The following SYNE3 variants were observed in gnomAD, a reference collection of about 807,000 sequenced individuals.
The protein encoded by SYNE3 is nesprin-3.
In SYNE3, 100 loss-of-function variants were observed where a neutral mutation model predicts 111.2. The observed-to-expected ratio is 0.90, with a 90% CI of 0.77 to 1.06. The LOEUF (loss-of-function observed/expected upper bound fraction) is 1.06. Ranked by LOEUF, SYNE3 falls within the 50% of genes least tolerant of loss-of-function variation. SYNE3 has a pLI of 0.00. For synonymous variants in SYNE3, 547 were observed against 533.9 expected (o/e 1.02, Z -0.34); for missense variants, 1,160 against 1,240.3 (o/e 0.94, Z 0.97).
intron 16 of SYNE3, 121 bp from the exon 17 acceptor site, chr14:95,432,238 C>T: frequency 8.2e-7 from 1 of 1,216,506 alleles, no homozygotes. Context: ...TTCTTTAAAA[C>T]TTCTGGTCAT....
intron 1 of SYNE3, among the ~76,000 whole-genome samples, chr14:95,483,156 G>A (rs1889356564): frequency 6.6e-6 from 1 of 152,158 alleles, no homozygotes; most frequent in Admixed American, 6.5e-5. Flanking sequence ...GCTCACTCCA[G>A]CCCTGTGCCA....
At chr14:95,506,765 G>A (rs1054076710) in intron 1 of SYNE3, among the ~76,000 whole-genome samples, 10 of 152,146 alleles carry the variant, frequency 6.6e-5, no homozygotes, top group African/African-American at 2.2e-4. Context: ...TATCTCATAT[G>A]AGCCTCACAG....
intron 1 of SYNE3, among the ~76,000 whole-genome samples, chr14:95,501,113 T>C (rs1890319542): frequency 6.6e-6 from 1 of 152,244 alleles, no homozygotes. Context: ...GGGCACCACA[T>C]GTGCTGGGCC....
At position 95,452,327 on chromosome 14, in the gene SYNE3, C is replaced by T; in HGVS notation, c.1194G>A (p.Gln398=). 6.2e-7 allele frequency: 1 copy of T among 1,613,982 alleles called. No homozygotes were observed. The highest frequency in any genetic ancestry group is 8.5e-7 in the Non-Finnish European group (1 of 1,179,954). ...EEPRVDRLQA[Q]LKELIVFPHN... ...GAGGGAAGACGATGAGCTCCTTCAG[C>T]TGGGCTTGCAGCCGGTCCACCCGGG... The change falls in exon 7 of 18, where the codon CAG becomes CAA. Residue 398 remains glutamine, a synonymous_variant. Transcript: ENST00000682763.
intron 1 of SYNE3, among the ~76,000 whole-genome samples, chr14:95,498,122 A>AT (rs34301519): frequency 2.0e-5 from 3 of 151,434 alleles, no homozygotes; most frequent in Non-Finnish European, 4.4e-5. Context: ...GGTATTAACA[A>AT]TTTTTTTTAA....
intron 1 of SYNE3, among the ~76,000 whole-genome samples, chr14:95,514,596 G>A (rs750472650): frequency 9.2e-5 from 14 of 152,236 alleles, no homozygotes; most frequent in Non-Finnish European, 1.8e-4. Flanking sequence ...GAGGCCCTGC[G>A]AGGCAACACC....
chr14:95,432,817 AC>A (rs1885864856), intron 16 of SYNE3, among the ~76,000 whole-genome samples: 1 of 152,036 alleles, frequency 6.6e-6, no homozygotes, highest in Non-Finnish European at 1.5e-5. Flanking sequence ...CCTACAACAC[AC>A]GGGTGTGTCT....
rs955283029 is a variant in SYNE3, at chr14:95,417,351, G to T, written c.*475C>A. 2 of 197,062 alleles carry T rather than the reference G, an allele frequency of 1.0e-5. No individual in the cohort carries two copies. Among genetic ancestry groups the T allele is most frequent in the Non-Finnish European group, 2.1e-5 (2 of 93,310 alleles). The allele number at this position is 197,062 out of a possible 1,614,324, so 12.2% of individuals were successfully genotyped here. ...TGGGCACCAAGTGAGGGTCTATGGCGCTCTTCCACGTTGCAGCTCAGAGGC... is the reference window on the plus strand; with the variant it reads ...TGGGCACCAAGTGAGGGTCTATGGCTCTCTTCCACGTTGCAGCTCAGAGGC... On this transcript the variant is annotated 3_prime_UTR_variant, in exon 18 of 18. Transcript: ENST00000682763.
rs947968697 is a variant in SYNE3, at chr14:95,415,633, T to C, written c.*2193A>G. 3.3e-5 allele frequency: 5 copies of C among 151,448 alleles called. No homozygotes were observed. The highest frequency in any genetic ancestry group is 1.2e-4 in the African/African-American group (5 of 41,114). 9.4% of individuals were successfully genotyped at this position (151,448 alleles called of 1,614,324 possible). A position where few individuals can be genotyped will look rare whatever the true frequency, so the allele number is the denominator to read the frequency against. ...GATGGAGAGTCTACAGGGCTTGTTT[T>C]CCAAAGAAAAGTGTTGTTTGGAGGA... On this transcript the variant is annotated 3_prime_UTR_variant, in exon 18 of 18. Coordinates refer to ENST00000682763, the MANE Select transcript of SYNE3 (RefSeq NM_152592.6).
At chr14:95,507,049 TCCAG>T (rs1890553630) in intron 1 of SYNE3, among the ~76,000 whole-genome samples, 1 of 152,132 alleles carries the variant, frequency 6.6e-6, no homozygotes, top group South Asian at 2.1e-4. Flanking sequence ...TCACAACACA[TCCAG>T]CGAGGCGAGG....
chr14:95,448,702 C>T (rs988664664), intron 8 of SYNE3, among the ~76,000 whole-genome samples: 2 of 152,100 alleles, frequency 1.3e-5, no homozygotes, highest in Non-Finnish European at 2.9e-5. Context: ...CAAAAAGCCA[C>T]GAAGAGAGAA....
chr14:95,488,946 G>C (rs545361821), intron 1 of SYNE3, among the ~76,000 whole-genome samples: 1 of 152,106 alleles, frequency 6.6e-6, no homozygotes, highest in African/African-American at 2.4e-5. Flanking sequence ...GGTGTAGGAC[G>C]GCCTAACTGA....
chr14:95,418,059 TG>T, intron 17 of SYNE3, 33 bp from the exon 18 acceptor site: 1 of 1,598,234 alleles, frequency 6.3e-7, no homozygotes. Flanking sequence ...GTGAGTGGGC[TG>T]GGGGGCTCTG....
At position 95,408,712 on chromosome 14, in the gene SYNE3, A is replaced by ACCCCCT; in HGVS notation, c.*9113_*9114insAGGGGG. 1 of 56,126 alleles carries ACCCCCT rather than the reference A, an allele frequency of 1.8e-5. No homozygotes were observed. Among genetic ancestry groups the ACCCCCT allele is most frequent in the Admixed American group, 2.1e-4 (1 of 4,748 alleles). 3.5% of individuals were successfully genotyped at this position (56,126 alleles called of 1,614,324 possible). A position where few individuals can be genotyped will look rare whatever the true frequency, so the allele number is the denominator to read the frequency against. On this transcript the variant is annotated 3_prime_UTR_variant, in exon 18 of 18. Transcript: ENST00000682763. ...CGCGTGCATCCCTCCCACCCTGCCC[A>ACCCCCT]CCCCTTCACATGCACACACAGCTTC...
chr14:95,408,459 G>A lies in SYNE3; in HGVS notation c.*9367C>T, dbSNP rs1336749388. Reference sequence around the variant, plus strand: ...CCCAAGGAAATTCCCAGATGACACAGATCTAAGGGGTCATCTGACCTTCCC... The same window carrying A: ...CCCAAGGAAATTCCCAGATGACACAAATCTAAGGGGTCATCTGACCTTCCC... On this transcript the variant is annotated 3_prime_UTR_variant, in exon 18 of 18. Coordinates refer to ENST00000682763, the MANE Select transcript of SYNE3 (RefSeq NM_152592.6). The A allele has an allele frequency of 6.6e-6, 1 of 152,652 alleles. No homozygotes were observed. The highest frequency in any genetic ancestry group is 2.4e-5 in the African/African-American group (1 of 41,450). 9.5% of individuals were successfully genotyped at this position (152,652 alleles called of 1,614,324 possible).
At chr14:95,430,592 A>G (rs1209081) in intron 17 of SYNE3, among the ~76,000 whole-genome samples, 139,805 of 152,144 alleles carry the variant, frequency 0.92, 64,505 homozygotes, top group Non-Finnish European at 0.95. Flanking sequence ...GGGAGGCCGA[A>G]GAGGGTGGAT....
chr14:95,466,165 C>A lies in SYNE3; in HGVS notation c.393G>T (p.Lys131Asn). 1 of 1,606,072 alleles carries A rather than the reference C, an allele frequency of 6.2e-7. No homozygotes were observed. The highest frequency in any genetic ancestry group is 8.5e-7 in the Non-Finnish European group (1 of 1,173,454). Residue 131 changes from lysine to asparagine, a missense_variant, in exon 4 of 18, where the codon AAG (lysine) becomes AAT (asparagine). Physicochemically the swap from Lys to Asn is moderately conservative, Grantham distance 94 (BLOSUM62 0). Coordinates refer to ENST00000682763, the MANE Select transcript of SYNE3 (RefSeq NM_152592.6). ...ARDEFYRWFQ[K>N]MMVTLEPHIE... is the part of the protein sequence containing the mutation. ...TGTGGGGCTCCAGTGTGACCATCAT[C>A]TTCTGGAACCAGCGGTAGAACTCAT...
At chr14:95,473,149 G>A (rs1041350959) in intron 2 of SYNE3, among the ~76,000 whole-genome samples, 1 of 152,132 alleles carries the variant, frequency 6.6e-6, no homozygotes, top group Non-Finnish European at 1.5e-5. Context: ...AATGAAGCAT[G>A]CCGGAGCCCC....
At chr14:95,492,008 C>A (rs879540093) in intron 1 of SYNE3, among the ~76,000 whole-genome samples, 1 of 152,134 alleles carries the variant, frequency 6.6e-6, no homozygotes, top group East Asian at 1.9e-4. Context: ...CTGAGAAGCC[C>A]AGAAAGCACA....
Sources: allele counts gnomAD v4.1 joint callset (sites outside exome capture counted in the v4.1 genomes callset), GRCh38; gene constraint gnomAD v4.1.1; transcripts MANE v1.5; gene names NCBI Gene and HGNC (gene_info 2026-07-23, HGNC 2026-07-21).